The following LRMDA variants were observed in gnomAD, a reference collection of about 807,000 sequenced individuals.
LRMDA encodes the protein leucine rich melanocyte differentiation associated.
LRMDA carries 18 observed loss-of-function variants against 29.8 expected under a neutral mutation model. That is an observed-to-expected ratio of 0.60 (90% CI 0.42 to 0.90). The LOEUF (loss-of-function observed/expected upper bound fraction) is 0.90, where lower values mean the gene tolerates loss of function less well. LRMDA is among the 40% of genes least tolerant of loss of function. LRMDA has a pLI of 0.00. For synonymous variants in LRMDA, 125 were observed against 109.4 expected, an observed-to-expected ratio of 1.14 and a Z score of -0.89; for missense variants, 273 against 273.9, an observed-to-expected ratio of 1.00 and a Z score of 0.02.
At chr10:75,620,107 TGA>T (rs1841163135) in intron 2 of LRMDA, among the ~76,000 whole-genome samples, 2 of 152,152 alleles carry the variant, frequency 1.3e-5, no homozygotes, top group Non-Finnish European at 2.9e-5. Context: ...ATGCACAGCC[TGA>T]GAGTGCACAC....
chr10:75,995,255 A>G (rs73279674), intron 2 of LRMDA, among the ~76,000 whole-genome samples: 74 of 152,308 alleles, frequency 4.9e-4, no homozygotes, highest in African/African-American at 1.6e-3. Context: ...GCCTCCTTTC[A>G]GAAGGCAGGT....
chr10:76,086,703 C>T (rs879795103), intron 5 of LRMDA, among the ~76,000 whole-genome samples: 23 of 152,090 alleles, frequency 1.5e-4, no homozygotes, highest in African/African-American at 4.8e-4. Context: ...AAGGCATCAC[C>T]GTGGAAGAAC....
chr10:76,239,249 A>C (rs555262537), intron 5 of LRMDA, among the ~76,000 whole-genome samples: 1 of 152,228 alleles, frequency 6.6e-6, no homozygotes, highest in East Asian at 1.9e-4. Flanking sequence ...CTTCTCCCCC[A>C]ATCCTAACCT....
rs138783695 is a variant in LRMDA at position 75,715,494 on chromosome 10, A to C, written c.131+277000A>C. Among the ~76,000 whole-genome samples the C allele has an allele frequency of 5.1e-3, 781 of 152,210 alleles. 10 individuals carry two copies. Among genetic ancestry groups the C allele is most frequent in the African/African-American group, 0.018 (749 of 41,526 alleles). On this transcript the variant is annotated intron_variant, in intron 2 of 6. Coordinates refer to ENST00000611255, the MANE Select transcript of LRMDA (RefSeq NM_001305581.2). ...ATATGTGACATTTTTGAAAACTAGGATCATTCTATAATCTTACTTTGCAAT... is the reference window on the plus strand; with the variant it reads ...ATATGTGACATTTTTGAAAACTAGGCTCATTCTATAATCTTACTTTGCAAT...
At chr10:76,538,656 G>A (rs921891104) in intron 6 of LRMDA, among the ~76,000 whole-genome samples, 2 of 151,266 alleles carry the variant, frequency 1.3e-5, no homozygotes, top group Non-Finnish European at 2.9e-5. Context: ...TCTTAAATAC[G>A]TCTTCTGGAT....
chr10:76,034,199 T>C (rs1848200873), intron 2 of LRMDA, among the ~76,000 whole-genome samples: 1 of 152,168 alleles, frequency 6.6e-6, no homozygotes, highest in Non-Finnish European at 1.5e-5. Flanking sequence ...TTTTTTTGTT[T>C]GTATTTTTTG....
rs140425696 is a variant in LRMDA, at chr10:76,240,017, A to G, written c.517-84384A>G. Among the ~76,000 whole-genome samples, 164 of 152,212 alleles carry G rather than the reference A, an allele frequency of 1.1e-3. 1 individual carries two copies. Among genetic ancestry groups the G allele is most frequent in the Middle Eastern group, 0.01 (3 of 292 alleles). Reference sequence around the variant, plus strand: ...AGTTTTATTGGTTAATTATATCTCAATATAGCCGGGAAATTTTTAAAAATA... The same window carrying G: ...AGTTTTATTGGTTAATTATATCTCAGTATAGCCGGGAAATTTTTAAAAATA... On this transcript the variant is annotated intron_variant, in intron 5 of 6. Coordinates refer to ENST00000611255, the MANE Select transcript of LRMDA (RefSeq NM_001305581.2).
chr10:75,768,412 T>C (rs1375752654), intron 2 of LRMDA, among the ~76,000 whole-genome samples: 1 of 152,200 alleles, frequency 6.6e-6, no homozygotes, highest in African/African-American at 2.4e-5. Context: ...TGTTTATGGG[T>C]AAGGGAACTT....
chr10:75,532,196 TA>T (rs778555368), intron 2 of LRMDA, among the ~76,000 whole-genome samples: 9 of 152,260 alleles, frequency 5.9e-5, no homozygotes, highest in Admixed American at 1.3e-4. Flanking sequence ...ATTATTTTCC[TA>T]ACATCTCAGA....
intron 2 of LRMDA, among the ~76,000 whole-genome samples, chr10:75,804,631 A>G (rs1303348896): frequency 6.6e-6 from 1 of 152,196 alleles, no homozygotes; most frequent in South Asian, 2.1e-4. Flanking sequence ...CATTGTGGTC[A>G]GAGCTTCAGT....
chr10:76,239,293 A>G (rs1301682361), intron 5 of LRMDA, among the ~76,000 whole-genome samples: 4 of 152,150 alleles, frequency 2.6e-5, no homozygotes, highest in African/African-American at 9.7e-5. Flanking sequence ...TACACACTGC[A>G]TTAGGCTTCT....
At chr10:75,581,893 C>T (rs1291192280) in intron 2 of LRMDA, among the ~76,000 whole-genome samples, 1 of 152,062 alleles carries the variant, frequency 6.6e-6, no homozygotes, top group Admixed American at 6.5e-5. Flanking sequence ...TGTAATAAAC[C>T]TGCACATTCT....
intron 5 of LRMDA, among the ~76,000 whole-genome samples, chr10:76,098,462 A>G (rs1849347279): frequency 1.3e-5 from 2 of 152,222 alleles, no homozygotes. Context: ...CCATTTAAAT[A>G]CAATTTAGGG....
chr10:75,494,350 A>G (rs1231287098), intron 2 of LRMDA, among the ~76,000 whole-genome samples: 1 of 152,086 alleles, frequency 6.6e-6, no homozygotes, highest in African/African-American at 2.4e-5. Context: ...CAGAGCTGTG[A>G]TTAGGGTGTG....
In LRMDA at chr10:75,786,243, A is replaced by G. The variant is rs575490039; in HGVS notation, c.132-249765A>G. On this transcript the variant is annotated intron_variant, in intron 2 of 6. Coordinates refer to ENST00000611255, the MANE Select transcript of LRMDA (RefSeq NM_001305581.2). ...GGCGGTATGAAAAGTGTGGGTTTCC[A>G]TCAATTCTGATGAGTAGGTGGAGTC... 5.5e-4 allele frequency among the ~76,000 whole-genome samples: 83 copies of G among 152,282 alleles called. 1 individual carries two copies.
intron 2 of LRMDA, among the ~76,000 whole-genome samples, chr10:75,954,881 T>TTGGGAA (rs1472425600): frequency 6.6e-6 from 1 of 152,176 alleles, no homozygotes; most frequent in African/African-American, 2.4e-5. Flanking sequence ...GGGAGAAGTT[T>TTGGGAA]TGGGAATGCT....
At chr10:75,679,749 C>T (rs1842002091) in intron 2 of LRMDA, among the ~76,000 whole-genome samples, 1 of 152,150 alleles carries the variant, frequency 6.6e-6, no homozygotes, top group Admixed American at 6.5e-5. Flanking sequence ...TCCTTCTCCC[C>T]ACTAATTTAA....
At chr10:76,082,084 AT>A (rs1489172085) in intron 5 of LRMDA, among the ~76,000 whole-genome samples, 4 of 152,200 alleles carry the variant, frequency 2.6e-5, no homozygotes, top group South Asian at 4.2e-4. Flanking sequence ...CTACCTGAGG[AT>A]TTTTTTCAAC....
chr10:76,404,601 C>T (rs560467362), intron 6 of LRMDA, among the ~76,000 whole-genome samples: 3 of 152,232 alleles, frequency 2.0e-5, no homozygotes, highest in African/African-American at 7.2e-5. Context: ...TCAGTCTGTT[C>T]CCTTGCTATA....
Sources: gnomAD v4.1 joint callset for allele counts (sites outside exome capture counted in the v4.1 genomes callset) on GRCh38, gnomAD v4.1.1 for gene constraint, MANE v1.5 for transcripts, NCBI Gene and HGNC (gene_info 2026-07-23, HGNC 2026-07-21) for gene names.